WDR5: variants seen among roughly 807,000 people sequenced by gnomAD.
WDR5 encodes the protein WD repeat domain 5.
For missense variants in WDR5, 187 were observed against 416.9 expected (o/e 0.45, Z 4.80); for synonymous variants, 144 against 161.6 (o/e 0.89, Z 0.83).
intron 9 of WDR5, among the ~76,000 whole-genome samples, chr9:134,153,734 C>T (rs1234546469): frequency 2.7e-5 from 4 of 149,708 alleles, no homozygotes; most frequent in Non-Finnish European, 4.4e-5. Context: ...AGCGCGTGCA[C>T]GTGCTTGGGG....
At chr9:134,149,619 C>T (rs1588175829) in intron 8 of WDR5, among the ~76,000 whole-genome samples, 1 of 152,164 alleles carries the variant, frequency 6.6e-6, no homozygotes, top group African/African-American at 2.4e-5. Flanking sequence ...CTCAGAATTA[C>T]TCATGGACCT....
At chr9:134,136,649 C>T (rs1449213187) in intron 1 of WDR5, among the ~76,000 whole-genome samples, 4 of 152,170 alleles carry the variant, frequency 2.6e-5, no homozygotes, top group African/African-American at 7.2e-5. Context: ...CACCCCAACC[C>T]GAGGCAGCCA....
chr9:134,150,415 A>G (rs1383665969), intron 8 of WDR5, among the ~76,000 whole-genome samples: 1 of 152,206 alleles, frequency 6.6e-6, no homozygotes, highest in Non-Finnish European at 1.5e-5. Context: ...CTTCAGCAAG[A>G]TAGAGCAGTA....
At chr9:134,152,272 C>T (rs1832535297) in intron 9 of WDR5, among the ~76,000 whole-genome samples, 1 of 152,258 alleles carries the variant, frequency 6.6e-6, no homozygotes, top group African/African-American at 2.4e-5. Context: ...GGCTCCTCCA[C>T]CTGTGCTGTC....
chr9:134,152,093 C>G, intron 9 of WDR5, 64 bp downstream of exon 9: 1 of 1,561,792 alleles, frequency 6.4e-7, no homozygotes, highest in East Asian at 2.3e-5. Context: ...GGTTCACTGC[C>G]CCTGTTCTTC....
intron 2 of WDR5, 101 bp downstream of exon 2, chr9:134,140,059 T>A (rs1247068384): frequency 2.3e-6 from 3 of 1,316,782 alleles, no homozygotes; most frequent in Non-Finnish European, 3.2e-6. Flanking sequence ...CCTACTCAGT[T>A]AAATGTCACT....
chr9:134,140,998 G>T (rs760247620), intron 3 of WDR5, among the ~76,000 whole-genome samples, 187 bp downstream of exon 3: 1 of 152,180 alleles, frequency 6.6e-6, no homozygotes, highest in Non-Finnish European at 1.5e-5. Flanking sequence ...AATTGCCCGT[G>T]GGGGGCCAGG....
intron 1 of WDR5, among the ~76,000 whole-genome samples, chr9:134,137,694 A>AAC (rs1564186406): frequency 6.6e-6 from 1 of 150,874 alleles, no homozygotes; most frequent in Middle Eastern, 3.2e-3. Flanking sequence ...CAAAAAAAAA[A>AAC]CACGCCAAGC....
chr9:134,151,760 G>T (rs1832498945), intron 8 of WDR5, among the ~76,000 whole-genome samples: 2 of 152,126 alleles, frequency 1.3e-5, no homozygotes, highest in Admixed American at 6.5e-5. Flanking sequence ...CCCCACACAT[G>T]GTCTGCACGT....
At chr9:134,152,487 C>T (rs1832544695) in intron 9 of WDR5, among the ~76,000 whole-genome samples, 1 of 152,142 alleles carries the variant, frequency 6.6e-6, no homozygotes, top group South Asian at 2.1e-4. Context: ...AGGGACGTGG[C>T]GTGGCCTGGA....
At chr9:134,149,192 A>AC (rs949896047) in intron 8 of WDR5, among the ~76,000 whole-genome samples, 6 of 150,736 alleles carry the variant, frequency 4.0e-5, no homozygotes, top group South Asian at 2.1e-4. Context: ...GCCATGCATG[A>AC]CCCCCCATCG....
In WDR5 at chr9:134,142,704, G is replaced by C. The variant is rs1273535027; in HGVS notation, c.513G>C (p.Ser171=). 5 of 1,614,232 alleles carry C rather than the reference G, an allele frequency of 3.1e-6. No individual in the cohort carries two copies. Among genetic ancestry groups the C allele is most frequent in the Non-Finnish European group, 4.2e-6 (5 of 1,180,054 alleles). ...GKCLKTLPAH[S]DPVSAVHFNR... ...GCCTCAAGACTTTGCCAGCTCACTC[G>C]GATCCAGTCTCGGCCGTAAGTCCCT... The change falls in exon 7 of 14, where the codon TCG becomes TCC. Residue 171 remains serine (S), a synonymous_variant. Transcript: ENST00000358625.
At chr9:134,154,293 G>A (rs28451195) in intron 9 of WDR5, among the ~76,000 whole-genome samples, 173 bp from the exon 10 acceptor site, 17,514 of 152,164 alleles carry the variant, frequency 0.12, 1,313 homozygotes, top group South Asian at 0.22. Flanking sequence ...CTCACGGCTG[G>A]TGTGCGTGGC....
chr9:134,153,517 C>A (rs184585650), intron 9 of WDR5, among the ~76,000 whole-genome samples: 2 of 152,240 alleles, frequency 1.3e-5, no homozygotes, highest in Admixed American at 6.5e-5. Context: ...CCCGGCCCCC[C>A]GGCCCTCACT....
chr9:134,153,088 C>T (rs896498550), intron 9 of WDR5, among the ~76,000 whole-genome samples: 4 of 152,188 alleles, frequency 2.6e-5, no homozygotes, highest in Non-Finnish European at 5.9e-5. Flanking sequence ...CCTTGTGGGG[C>T]CAGCCTTTTG....
intron 7 of WDR5, 50 bp from the exon 8 acceptor site, chr9:134,148,238 C>A: frequency 1.7e-6 from 2 of 1,163,902 alleles, no homozygotes; most frequent in South Asian, 1.3e-5. Context: ...CAGTTGTGTC[C>A]CTGACTTGAA....
intron 11 of WDR5, 32 bp from the exon 12 acceptor site, chr9:134,155,661 C>T: frequency 6.2e-7 from 1 of 1,606,208 alleles, no homozygotes; most frequent in African/African-American, 1.3e-5. Context: ...GGAACCATGA[C>T]TCTGTGACCA....
At chr9:134,136,792 C>T (rs542755054) in intron 1 of WDR5, among the ~76,000 whole-genome samples, 10 of 152,270 alleles carry the variant, frequency 6.6e-5, no homozygotes, top group African/African-American at 2.4e-4. Context: ...CGGTTACGTT[C>T]CCGGACCAAA....
rs150743142 is a variant in WDR5 at position 134,148,776 on chromosome 9, A to G, written c.584+433A>G. On this transcript the variant is annotated intron_variant, in intron 8 of 13. Coordinates refer to ENST00000358625, the MANE Select transcript of WDR5 (RefSeq NM_017588.3). ...GGTGAACCCAAGCAGATGGCAGCAT[A>G]GAGAAGGGCAGGAGGAAGAGTGACA... Among the ~76,000 whole-genome samples the G allele has an allele frequency of 3.1e-3, 465 of 152,250 alleles. 4 individuals carry two copies. Among genetic ancestry groups the G allele is most frequent in the African/African-American group, 0.01 (435 of 41,552 alleles).
Sources: allele counts gnomAD v4.1 joint callset (sites outside exome capture counted in the v4.1 genomes callset), GRCh38; gene constraint gnomAD v4.1.1; transcripts MANE v1.5; gene names NCBI Gene and HGNC (gene_info 2026-07-23, HGNC 2026-07-21).